The following CNBD1 variants were observed in gnomAD, a reference collection of about 807,000 sequenced individuals.
CNBD1 encodes cyclic nucleotide binding domain containing 1.
CNBD1 carries 71 observed loss-of-function variants against 54.4 expected under a neutral mutation model. That is an observed-to-expected ratio of 1.30 (90% CI 1.08 to 1.59). The LOEUF is 1.59. CNBD1 is among the 40% of genes most tolerant of loss of function. The pLI is 0.00. For synonymous variants in CNBD1, 182 were observed against 170.7 expected, an observed-to-expected ratio of 1.07 and a Z score of -0.51; for missense variants, 659 against 518.0, an observed-to-expected ratio of 1.27 and a Z score of -2.64.
intron 4 of CNBD1, among the ~76,000 whole-genome samples, chr8:87,044,144 C>T (rs1810131518): frequency 6.6e-6 from 1 of 151,626 alleles, no homozygotes; most frequent in African/African-American, 2.4e-5. Flanking sequence ...TCTACAGAAG[C>T]ATATTTACAT....
At position 87,247,981 on chromosome 8, in the gene CNBD1, T is replaced by C. The variant is rs138526964; in HGVS notation, c.771+10869T>C. Among the ~76,000 whole-genome samples the C allele has an allele frequency of 2.6e-3, 401 of 152,328 alleles. 2 individuals are homozygous for C. Among genetic ancestry groups the C allele is most frequent in the Admixed American group, 5.2e-3 (79 of 15,298 alleles). ...GTGAAACCAGAAAGCTGTCCAGTCA[T>C]GGAAGCCACTTCATCCATGCATACT... On this transcript the variant is annotated intron_variant, in intron 6 of 10. Coordinates refer to ENST00000518476, the MANE Select transcript of CNBD1 (RefSeq NM_173538.3).
chr8:86,968,681 A>C (rs1450961616), intron 4 of CNBD1, among the ~76,000 whole-genome samples: 1 of 152,226 alleles, frequency 6.6e-6, no homozygotes, highest in Non-Finnish European at 1.5e-5. Context: ...GAATGGTTGC[A>C]TCCTTTTGAG....
chr8:86,898,797 AT>A (rs1316992573), intron 2 of CNBD1, among the ~76,000 whole-genome samples: 1 of 152,176 alleles, frequency 6.6e-6, no homozygotes, highest in African/African-American at 2.4e-5. Flanking sequence ...AGCATGACTG[AT>A]GAAAGATAAA....
In CNBD1 at chr8:87,076,899, C is replaced by T. The variant is rs187661263; in HGVS notation, c.432-129094C>T. ...CAGAAATTATATGAATTGACTTATCCAAGACTGTCTTGCATCATTGCACAT... is the reference window on the plus strand; with the variant it reads ...CAGAAATTATATGAATTGACTTATCTAAGACTGTCTTGCATCATTGCACAT... On this transcript the variant is annotated intron_variant, in intron 4 of 10. Coordinates refer to ENST00000518476, the MANE Select transcript of CNBD1 (RefSeq NM_173538.3). Among the ~76,000 whole-genome samples the T allele has an allele frequency of 1.8e-3, 269 of 152,246 alleles. 2 individuals are homozygous for T. The highest frequency in any genetic ancestry group is 6.0e-3 in the African/African-American group (251 of 41,538).
At chr8:87,171,974 T>A (rs1449503301) in intron 4 of CNBD1, among the ~76,000 whole-genome samples, 1 of 152,148 alleles carries the variant, frequency 6.6e-6, no homozygotes, top group Non-Finnish European at 1.5e-5. Flanking sequence ...AGCTATACAC[T>A]TCCTTCTTGG....
intron 2 of CNBD1, among the ~76,000 whole-genome samples, chr8:86,888,311 AGAGAGAAGAAGG>A (rs1219721020): frequency 7.2e-5 from 11 of 152,076 alleles, no homozygotes; most frequent in African/African-American, 2.7e-4. Context: ...TGTCTCAGAG[AGAGAGAAGAAGG>A]CATGCAACTT....
chr8:87,246,666 G>T (rs1402975506), intron 6 of CNBD1, among the ~76,000 whole-genome samples: 2 of 152,004 alleles, frequency 1.3e-5, no homozygotes, highest in Non-Finnish European at 2.9e-5. Context: ...CTTTTAGAAT[G>T]CTGAATTTCT....
At chr8:87,086,232 T>C (rs1563462935) in intron 4 of CNBD1, among the ~76,000 whole-genome samples, 2 of 152,360 alleles carry the variant, frequency 1.3e-5, no homozygotes, top group Non-Finnish European at 2.9e-5. Context: ...GGGTTTTTCT[T>C]ACTGGGTTAT....
In CNBD1 at chr8:86,963,460, G is replaced by T. The variant is rs188157010; in HGVS notation, c.431+23706G>T. Reference sequence around the variant, plus strand: ...AGCTTCGGAGAAAAAGGTGCCTCAGGGGGGTGTATGAACCCATTAAATTGG... The same window carrying T: ...AGCTTCGGAGAAAAAGGTGCCTCAGTGGGGTGTATGAACCCATTAAATTGG... On this transcript the variant is annotated intron_variant, in intron 4 of 10. Coordinates refer to ENST00000518476, the MANE Select transcript of CNBD1 (RefSeq NM_173538.3). Among the ~76,000 whole-genome samples the T allele has an allele frequency of 7.4e-4, 113 of 152,202 alleles. 1 individual carries two copies. In the East Asian group the frequency reaches 0.013, roughly 18 times the overall value.
intron 4 of CNBD1, among the ~76,000 whole-genome samples, chr8:87,032,492 G>A (rs1356725140): frequency 6.6e-6 from 1 of 152,116 alleles, no homozygotes; most frequent in East Asian, 1.9e-4. Flanking sequence ...CATCATAAAA[G>A]TCTTCATTCT....
At chr8:86,906,521 C>A (rs1268567399) in intron 3 of CNBD1, among the ~76,000 whole-genome samples, 1 of 152,074 alleles carries the variant, frequency 6.6e-6, no homozygotes, top group Non-Finnish European at 1.5e-5. Flanking sequence ...AATGCTTATA[C>A]TGTGATTTAT....
intron 1 of CNBD1, among the ~76,000 whole-genome samples, chr8:86,873,572 T>A (rs1317824492): frequency 6.6e-6 from 1 of 151,986 alleles, no homozygotes; most frequent in Non-Finnish European, 1.5e-5. Context: ...GATGGGAGGA[T>A]CCCTGGAGGC....
intron 6 of CNBD1, among the ~76,000 whole-genome samples, chr8:87,263,176 T>A (rs923461204): frequency 5.3e-5 from 8 of 152,174 alleles, no homozygotes; most frequent in Non-Finnish European, 8.8e-5. Context: ...CAATTAAAAA[T>A]AATGTTTATA....
chr8:86,964,627 G>T (rs2097264494), intron 4 of CNBD1, among the ~76,000 whole-genome samples: 1 of 152,216 alleles, frequency 6.6e-6, no homozygotes. Flanking sequence ...GAATCTAAAT[G>T]GGACCGTGTT....
intron 2 of CNBD1, among the ~76,000 whole-genome samples, chr8:87,405,270 AT>A (rs144794067): frequency 0.011 from 1,672 of 152,232 alleles, 20 homozygotes; most frequent in Middle Eastern, 0.017. Context: ...TACTTAATTT[AT>A]ATACTTTTTA....
At chr8:87,237,503 G>A (rs542352334) in intron 6 of CNBD1, among the ~76,000 whole-genome samples, 5 of 151,300 alleles carry the variant, frequency 3.3e-5, no homozygotes, top group Non-Finnish European at 7.4e-5. Context: ...TATTATGTTT[G>A]TCTCAAGAGC....
At chr8:87,017,777 A>G (rs540798874) in intron 4 of CNBD1, among the ~76,000 whole-genome samples, 69 of 152,276 alleles carry the variant, frequency 4.5e-4, no homozygotes, top group Non-Finnish European at 9.1e-4. Flanking sequence ...GTATGTTTTT[A>G]TAGGCAAATT....
intron 8 of CNBD1, among the ~76,000 whole-genome samples, chr8:87,315,036 A>C (rs1477901392): frequency 6.6e-6 from 1 of 152,100 alleles, no homozygotes. Flanking sequence ...AAAATTTAAC[A>C]AGCAAAAGTA....
At chr8:87,216,849 A>ATAATATGTG (rs780984329) in intron 5 of CNBD1, among the ~76,000 whole-genome samples, 66 of 152,200 alleles carry the variant, frequency 4.3e-4, no homozygotes, top group Non-Finnish European at 5.6e-4. Flanking sequence ...CTTCACTAGA[A>ATAATATGTG]TAATATGTGG....
Sources: gnomAD v4.1 joint callset for allele counts (sites outside exome capture counted in the v4.1 genomes callset) on GRCh38, gnomAD v4.1.1 for gene constraint, MANE v1.5 for transcripts, NCBI Gene and HGNC (gene_info 2026-07-23, HGNC 2026-07-21) for gene names.